COL19A1: variants seen among roughly 807,000 people sequenced by gnomAD.
COL19A1 encodes collagen type XIX alpha 1 chain, also known as collagen alpha-1(XIX) chain.
In COL19A1, 159 loss-of-function variants were observed where a neutral mutation model predicts 190.2. The ratio of observed to expected loss-of-function variants is 0.84; its 90% CI spans 0.73 to 0.95. COL19A1 has a LOEUF of 0.95. COL19A1 is among the 40% of genes least tolerant of loss of function. The pLI is 0.00. For synonymous variants in COL19A1, 509 were observed against 458.9 expected, an observed-to-expected ratio of 1.11 and a Z score of -1.39; for missense variants, 1,418 against 1,431.9, an observed-to-expected ratio of 0.99 and a Z score of 0.16.
chr6:70,102,619 T>C (rs1783706064), intron 16 of COL19A1, among the ~76,000 whole-genome samples: 1 of 152,210 alleles, frequency 6.6e-6, no homozygotes, highest in African/African-American at 2.4e-5. Flanking sequence ...TATCCACTTT[T>C]CTTGATATGA....
intron 14 of COL19A1, chr6:70,059,661 C>T: frequency 1.1e-5 from 4 of 349,758 alleles, no homozygotes; most frequent in South Asian, 9.8e-5. Context: ...AGGTAACAGC[C>T]TTATGAATTC....
intron 30 of COL19A1, among the ~76,000 whole-genome samples, chr6:70,150,925 A>G (rs1404170904): frequency 6.6e-6 from 1 of 152,186 alleles, no homozygotes; most frequent in Non-Finnish European, 1.5e-5. Context: ...CTTGCCTATC[A>G]CTTAAGCCAA....
intron 17 of COL19A1, 49 bp downstream of exon 17, chr6:70,121,991 G>C (rs758130942): frequency 8.0e-7 from 1 of 1,254,718 alleles, no homozygotes; most frequent in Non-Finnish European, 1.1e-6. Context: ...AATTTTATAT[G>C]ATTGTATTTT....
chr6:70,154,633 A>G (rs1024478165), intron 31 of COL19A1, among the ~76,000 whole-genome samples: 7 of 152,200 alleles, frequency 4.6e-5, no homozygotes, highest in East Asian at 1.9e-4. Flanking sequence ...GTCTGACAAT[A>G]GGCTGTCTGC....
intron 15 of COL19A1, among the ~76,000 whole-genome samples, chr6:70,069,271 C>T (rs980736462): frequency 1.3e-5 from 2 of 152,018 alleles, no homozygotes; most frequent in Non-Finnish European, 2.9e-5. Flanking sequence ...GACTGTAGTC[C>T]TACGTTCTCT....
In COL19A1 at chr6:69,870,649, T is replaced by C. The variant is rs6935520; in HGVS notation, c.-33+4009T>C. ...GAGCCTTGAGTGCCTCACTTTGGAG[T>C]GGGCAATGAAGAGCCACCAGAAAAC... On this transcript the variant is annotated intron_variant, in intron 1 of 50. Transcript: ENST00000620364. Among the ~76,000 whole-genome samples, 576 of 152,096 alleles carry C rather than the reference T, an allele frequency of 3.8e-3. 4 individuals are homozygous for C. Among genetic ancestry groups the C allele is most frequent in the African/African-American group, 0.013 (544 of 41,452 alleles).
chr6:70,061,546 C>T (rs944893457), intron 14 of COL19A1, among the ~76,000 whole-genome samples: 2 of 151,844 alleles, frequency 1.3e-5, no homozygotes, highest in Non-Finnish European at 2.9e-5. Context: ...ATATTTTTTG[C>T]GTTTGTTAAA....
chr6:69,989,553 CTTT>C (rs3072698), intron 11 of COL19A1, among the ~76,000 whole-genome samples: 12 of 126,314 alleles, frequency 9.5e-5, no homozygotes, highest in Non-Finnish European at 8.2e-5. Context: ...GAGTTTTTTA[CTTT>C]TTTTTTTTTT....
intron 12 of COL19A1, among the ~76,000 whole-genome samples, chr6:70,030,700 T>A (rs1779012646): frequency 1.3e-5 from 2 of 152,230 alleles, no homozygotes. Flanking sequence ...GAAAACCTTT[T>A]TTTAATAAAT....
At chr6:70,089,531 T>C (rs1412679326) in intron 15 of COL19A1, among the ~76,000 whole-genome samples, 1 of 152,210 alleles carries the variant, frequency 6.6e-6, no homozygotes, top group East Asian at 1.9e-4. Context: ...TCCTGCAAGG[T>C]CTTTCACTTG....
intron 14 of COL19A1, among the ~76,000 whole-genome samples, chr6:70,064,949 A>T (rs1356544400): frequency 3.3e-5 from 5 of 152,190 alleles, no homozygotes; most frequent in Admixed American, 6.6e-5. Flanking sequence ...TGCTCAACGA[A>T]ATAAAAGAGG....
intron 1 of COL19A1, among the ~76,000 whole-genome samples, chr6:69,870,486 G>A (rs899527391): frequency 1.3e-5 from 2 of 152,188 alleles, no homozygotes; most frequent in African/African-American, 4.8e-5. Flanking sequence ...AGATCGGAGA[G>A]GATTGGAAGG....
chr6:69,913,968 A>C (rs924283354), intron 4 of COL19A1, among the ~76,000 whole-genome samples: 1 of 152,066 alleles, frequency 6.6e-6, no homozygotes, highest in African/African-American at 2.4e-5. Context: ...AAAAAAAAAA[A>C]AACCCTTTCC....
chr6:70,034,356 G>A, intron 13 of COL19A1, 58 bp downstream of exon 13: 1 of 1,290,702 alleles, frequency 7.7e-7, no homozygotes, highest in Non-Finnish European at 1.1e-6. Context: ...GACAACCTAT[G>A]CAGTGACTTC....
At chr6:70,125,821 C>A (rs1785160598) in intron 17 of COL19A1, among the ~76,000 whole-genome samples, 1 of 152,108 alleles carries the variant, frequency 6.6e-6, no homozygotes, top group South Asian at 2.1e-4. Flanking sequence ...CATATTCTTC[C>A]CCTCAAGGAA....
intron 27 of COL19A1, among the ~76,000 whole-genome samples, chr6:70,149,155 G>A (rs1048840702): frequency 6.6e-6 from 1 of 152,036 alleles, no homozygotes; most frequent in Non-Finnish European, 1.5e-5. Flanking sequence ...TCATGCAGAA[G>A]TTCATGGTTA....
At chr6:70,165,881 A>T in intron 36 of COL19A1, 60 bp from the exon 37 acceptor site, 1 of 1,438,436 alleles carries the variant, frequency 7.0e-7, no homozygotes, top group African/African-American at 1.4e-5. Flanking sequence ...TTCAGAAGAT[A>T]GTTTGTAAAC....
rs114215070 is a variant in COL19A1, at chr6:69,986,606, A to G, written c.1026+23736A>G. Among the ~76,000 whole-genome samples the G allele has an allele frequency of 3.4e-3, 519 of 152,342 alleles. 3 individuals carry two copies. The highest frequency in any genetic ancestry group is 0.012 in the African/African-American group (494 of 41,580). ...TATTTTAATGTGCAAACCTATACAC[A>G]TAATGTACTAAATATGTGAAGCCCT... On this transcript the variant is annotated intron_variant, in intron 11 of 50. Transcript: ENST00000620364.
chr6:69,923,604 A>G (rs1363986648), intron 4 of COL19A1, among the ~76,000 whole-genome samples: 1 of 152,192 alleles, frequency 6.6e-6, no homozygotes, highest in Non-Finnish European at 1.5e-5. Flanking sequence ...CAAGAAGCTG[A>G]TCAAAAAAAT....
Sources: gnomAD v4.1 joint callset for allele counts (sites outside exome capture counted in the v4.1 genomes callset) on GRCh38, gnomAD v4.1.1 for gene constraint, MANE v1.5 for transcripts, NCBI Gene and HGNC (gene_info 2026-07-23, HGNC 2026-07-21) for gene names.